PTPRD: variants seen among roughly 807,000 people sequenced by gnomAD.
The protein encoded by PTPRD is protein tyrosine phosphatase receptor type D, also known as receptor-type tyrosine-protein phosphatase delta.
PTPRD carries 34 observed loss-of-function variants against 214.5 expected under a neutral mutation model. The observed-to-expected ratio is 0.16, with a 90% CI of 0.12 to 0.21. The LOEUF (loss-of-function observed/expected upper bound fraction) is 0.21. Among genes scored for constraint, PTPRD ranks in the 10% least tolerant of loss-of-function variants. PTPRD has a pLI of 1.00. For synonymous variants in PTPRD, 1,128 were observed against 845.7 expected (o/e 1.33, Z -5.79); for missense variants, 2,545 against 2,398.7 (o/e 1.06, Z -1.27).
intron 9 of PTPRD, among the ~76,000 whole-genome samples, chr9:9,203,525 C>T (rs1416830929): frequency 6.6e-6 from 1 of 152,082 alleles, no homozygotes; most frequent in East Asian, 1.9e-4. Flanking sequence ...TAACTCTGTC[C>T]CTGAGGTATC....
intron 2 of PTPRD, among the ~76,000 whole-genome samples, chr9:10,462,941 G>C (rs1025791249): frequency 2.3e-4 from 34 of 149,880 alleles, no homozygotes; most frequent in African/African-American, 8.0e-4. Context: ...CAGTTTTCCA[G>C]AGAGTGTGTA....
intron 12 of PTPRD, among the ~76,000 whole-genome samples, chr9:8,647,339 T>C (rs72700313): frequency 0.043 from 6,603 of 152,324 alleles, 435 homozygotes; most frequent in African/African-American, 0.14. Flanking sequence ...GATATTCTAA[T>C]GGTGATCACC....
chr9:9,042,041 G>T (rs2099641532), intron 10 of PTPRD, among the ~76,000 whole-genome samples: 1 of 152,144 alleles, frequency 6.6e-6, no homozygotes, highest in African/African-American at 2.4e-5. Flanking sequence ...GAGTTTATTG[G>T]TTCCTTTAAC....
intron 7 of PTPRD, among the ~76,000 whole-genome samples, chr9:9,660,431 G>C (rs1331666807): frequency 6.6e-6 from 1 of 151,980 alleles, no homozygotes; most frequent in Non-Finnish European, 1.5e-5. Flanking sequence ...TCAGTGAGTA[G>C]TAGAGATGCT....
At chr9:9,040,355 C>T (rs1404125209) in intron 10 of PTPRD, among the ~76,000 whole-genome samples, 1 of 152,160 alleles carries the variant, frequency 6.6e-6, no homozygotes, top group African/African-American at 2.4e-5. Context: ...ACACCATATG[C>T]CTTGGTCTTT....
At position 9,855,680 on chromosome 9, in the gene PTPRD, C is replaced by A. The variant is rs1296159366; in HGVS notation, c.-368+82827G>T. On this transcript the variant is annotated intron_variant, in intron 5 of 45. Coordinates refer to ENST00000381196, the MANE Select transcript of PTPRD (RefSeq NM_002839.4). The stretch of plus-strand genomic sequence containing the variant: ...CTTCCGCACCTGCAGGAGTGAACTC[C>A]ACCCCTCCAGGAGGCAACACGCAGG... Among the ~76,000 whole-genome samples the A allele has an allele frequency of 2.6e-5, 4 of 152,178 alleles. No homozygotes were observed. In the East Asian group the frequency reaches 7.7e-4, roughly 29 times the overall value.
At chr9:8,385,737 A>G (rs75072021) in intron 37 of PTPRD, among the ~76,000 whole-genome samples, 1,698 of 152,278 alleles carry the variant, frequency 0.011, 36 homozygotes, top group African/African-American at 0.038. Context: ...ATTATAGTCA[A>G]TGTAGCAGCC....
chr9:9,140,742 C>G (rs2099858897), intron 10 of PTPRD, among the ~76,000 whole-genome samples: 1 of 152,152 alleles, frequency 6.6e-6, no homozygotes, highest in Non-Finnish European at 1.5e-5. Context: ...CCACGCCCGG[C>G]TAATTTTTTG....
intron 9 of PTPRD, among the ~76,000 whole-genome samples, chr9:9,385,372 A>T (rs1308109375): frequency 6.6e-6 from 1 of 152,124 alleles, no homozygotes; most frequent in Non-Finnish European, 1.5e-5. Context: ...AAAATAAACA[A>T]GAGGAAAGTG....
chr9:8,684,449 T>C (rs1391890889), intron 12 of PTPRD, among the ~76,000 whole-genome samples: 1 of 151,730 alleles, frequency 6.6e-6, no homozygotes, highest in African/African-American at 2.4e-5. Context: ...AACCCCATGA[T>C]ACTCCTCTTT....
intron 14 of PTPRD, among the ~76,000 whole-genome samples, chr9:8,595,846 C>G (rs1292830096): frequency 3.3e-5 from 5 of 152,252 alleles, no homozygotes; most frequent in African/African-American, 7.2e-5. Context: ...AATTCCTGCT[C>G]TATGTGTCTC....
At chr9:10,490,430 G>C (rs989972947) in intron 2 of PTPRD, among the ~76,000 whole-genome samples, 4 of 152,130 alleles carry the variant, frequency 2.6e-5, no homozygotes, top group African/African-American at 9.6e-5. Flanking sequence ...AGAAGGTCTT[G>C]TATATTATGC....
Position 10,560,850 on chromosome 9 carries a change from C to T in PTPRD, c.-600+51548G>A, listed in dbSNP as rs543037125. Among the ~76,000 whole-genome samples the T allele has an allele frequency of 1.1e-4, 17 of 152,304 alleles. No individual in the cohort carries two copies. The South Asian group carries it at 3.3e-3, about 30-fold the overall frequency. On this transcript the variant is annotated intron_variant, in intron 2 of 45. Transcript: ENST00000381196. ...CAACAGGATGCTAGTGGCTACCATA[C>T]TGTACAGCATAAATATAGAGCCTGT...
intron 7 of PTPRD, among the ~76,000 whole-genome samples, chr9:9,710,742 G>A (rs887686627): frequency 3.3e-5 from 5 of 151,978 alleles, no homozygotes; most frequent in African/African-American, 9.7e-5. Context: ...AGTTGATCCA[G>A]AAAGTTGTCT....
intron 8 of PTPRD, among the ~76,000 whole-genome samples, chr9:9,431,678 G>C (rs979165559): frequency 6.6e-6 from 1 of 152,046 alleles, no homozygotes; most frequent in Non-Finnish European, 1.5e-5. Flanking sequence ...TGATAGACTG[G>C]TTTAAGAAAA....
intron 39 of PTPRD, among the ~76,000 whole-genome samples, chr9:8,353,384 T>G (rs948197559): frequency 6.6e-6 from 1 of 151,610 alleles, no homozygotes; most frequent in Non-Finnish European, 1.5e-5. Flanking sequence ...GGTTTCTGAA[T>G]TATGAATCAG....
intron 2 of PTPRD, among the ~76,000 whole-genome samples, chr9:10,418,381 C>G (rs2098513658): frequency 6.7e-6 from 1 of 149,858 alleles, no homozygotes; most frequent in Non-Finnish European, 1.5e-5. Context: ...AAGTAGGATT[C>G]CATTGTGAGA....
intron 4 of PTPRD, among the ~76,000 whole-genome samples, chr9:10,025,781 G>T (rs956884951): frequency 2.6e-5 from 4 of 152,170 alleles, no homozygotes; most frequent in African/African-American, 9.7e-5. Flanking sequence ...AATTTGAGGT[G>T]TAACCTATTC....
chr9:8,781,505 G>T (rs543784949), intron 11 of PTPRD, among the ~76,000 whole-genome samples: 21 of 152,294 alleles, frequency 1.4e-4, no homozygotes, highest in African/African-American at 4.8e-4. Context: ...AGGTTTTAAA[G>T]TAAGAGTACA....
Sources: allele counts gnomAD v4.1 joint callset (sites outside exome capture counted in the v4.1 genomes callset), GRCh38; gene constraint gnomAD v4.1.1; transcripts MANE v1.5; gene names NCBI Gene and HGNC (gene_info 2026-07-23, HGNC 2026-07-21).